Variants in JMJD1C observed in about 807,000 individuals in gnomAD.
JMJD1C encodes jumonji domain-containing protein 1C.
Under a neutral mutation model 245.3 loss-of-function variants are expected in JMJD1C, and 31 were observed. The ratio of observed to expected loss-of-function variants is 0.13; its 90% CI spans 0.09 to 0.17. The LOEUF (loss-of-function observed/expected upper bound fraction) is 0.17. Among genes scored for constraint, JMJD1C ranks in the 10% least tolerant of loss-of-function variants. The pLI is 1.00. For missense variants in JMJD1C, 2,691 were observed against 3,000.2 expected (o/e 0.90, Z 2.41); for synonymous variants, 1,057 against 1,017.4 (o/e 1.04, Z -0.74).
chr10:63,379,076 G>T (rs1947005961), intron 2 of JMJD1C, among the ~76,000 whole-genome samples: 1 of 151,702 alleles, frequency 6.6e-6, no homozygotes, highest in Non-Finnish European at 1.5e-5. Flanking sequence ...TCTTAAAAAA[G>T]AATAATCAAA....
intron 1 of JMJD1C, among the ~76,000 whole-genome samples, chr10:63,451,455 A>G (rs527626101): frequency 6.6e-6 from 1 of 152,222 alleles, no homozygotes; most frequent in Admixed American, 6.5e-5. Flanking sequence ...TACTGCATTC[A>G]TGAGTTCAAC....
At chr10:63,328,947 A>G (rs1386059062) in intron 2 of JMJD1C, among the ~76,000 whole-genome samples, 2 of 152,218 alleles carry the variant, frequency 1.3e-5, no homozygotes, top group Non-Finnish European at 2.9e-5. Flanking sequence ...GAACTTGTGA[A>G]AACACTGTAT....
At chr10:63,446,159 A>C (rs1490745198) in intron 1 of JMJD1C, among the ~76,000 whole-genome samples, 2 of 151,980 alleles carry the variant, frequency 1.3e-5, no homozygotes, top group Non-Finnish European at 2.9e-5. Flanking sequence ...ACAGGCGTTG[A>C]GCCACCACGC....
chr10:63,495,655 C>T (rs1341234078), intron 1 of JMJD1C, among the ~76,000 whole-genome samples: 2 of 151,618 alleles, frequency 1.3e-5, no homozygotes, highest in Admixed American at 6.6e-5. Flanking sequence ...CACCTGTAAT[C>T]CCAGCTACGT....
At chr10:63,217,124 T>C (rs913819981) in intron 5 of JMJD1C, 83 bp downstream of exon 5, 7 of 1,208,304 alleles carry the variant, frequency 5.8e-6, no homozygotes, top group Non-Finnish European at 8.2e-6. Context: ...AATTATTTAG[T>C]ATCAAATTGT....
intron 1 of JMJD1C, among the ~76,000 whole-genome samples, chr10:63,437,330 AGCT>A (rs1456602063): frequency 1.3e-5 from 2 of 152,190 alleles, no homozygotes; most frequent in Non-Finnish European, 2.9e-5. Context: ...AAATCCTATC[AGCT>A]GCTATTTCAC....
intron 1 of JMJD1C, among the ~76,000 whole-genome samples, chr10:63,476,230 T>C (rs111680162): frequency 1.4e-5 from 2 of 147,622 alleles, no homozygotes; most frequent in African/African-American, 4.9e-5. Flanking sequence ...AATATATACA[T>C]ATATTTATTT....
At chr10:63,482,350 A>C (rs1185488926) in intron 1 of JMJD1C, among the ~76,000 whole-genome samples, 1 of 152,160 alleles carries the variant, frequency 6.6e-6, no homozygotes, top group Non-Finnish European at 1.5e-5. Flanking sequence ...TAAGACAGCA[A>C]ATGAGCCAGG....
chr10:63,424,497 C>CTTTTTTTTT (rs59823871), intron 1 of JMJD1C, among the ~76,000 whole-genome samples: 84 of 103,388 alleles, frequency 8.1e-4, no homozygotes, highest in East Asian at 1.3e-3. Flanking sequence ...ATTATTATTT[C>CTTTTTTTTT]TTTTTTTTTT....
chr10:63,475,794 A>G (rs897636273), intron 1 of JMJD1C, among the ~76,000 whole-genome samples: 2 of 152,260 alleles, frequency 1.3e-5, no homozygotes, highest in Non-Finnish European at 2.9e-5. Flanking sequence ...GAACAGAGAG[A>G]GACCCTCTCT....
chr10:63,446,330 C>T (rs564762653), intron 1 of JMJD1C, among the ~76,000 whole-genome samples: 1 of 152,128 alleles, frequency 6.6e-6, no homozygotes, highest in Non-Finnish European at 1.5e-5. Flanking sequence ...CAAGGCAGAA[C>T]AGGTTAGTAT....
At chr10:63,217,532 C>T (rs1418807420) in intron 4 of JMJD1C, among the ~76,000 whole-genome samples, 1 of 152,082 alleles carries the variant, frequency 6.6e-6, no homozygotes, top group Non-Finnish European at 1.5e-5. Context: ...CCACATACTT[C>T]CTGATTCAAT....
At chr10:63,384,388 T>C (rs1478007068) in intron 1 of JMJD1C, among the ~76,000 whole-genome samples, 1 of 152,212 alleles carries the variant, frequency 6.6e-6, no homozygotes, top group African/African-American at 2.4e-5. Context: ...GCTATAGCTT[T>C]ACAAAATGTA....
In JMJD1C at chr10:63,465,932, G is replaced by A. The variant is rs1046989762; in HGVS notation, c.-270C>T. The stretch of plus-strand genomic sequence containing the variant: ...AACAAAACCCAACGCGGCCGTCGAA[G>A]ACCCCGAGGCAGCCCAGCCGCCGCC... On this transcript the variant is annotated 5_prime_UTR_variant, in exon 1 of 26. Coordinates refer to ENST00000399262, the MANE Select transcript of JMJD1C (RefSeq NM_032776.3). 1.2e-5 allele frequency: 7 copies of A among 582,960 alleles called. No individual in the cohort carries two copies. Among genetic ancestry groups the A allele is most frequent in the African/African-American group, 3.7e-5 (2 of 54,232 alleles). The allele number at this position is 582,960 out of a possible 1,614,324, so 36.1% of individuals were successfully genotyped here. A position where few individuals can be genotyped will look rare whatever the true frequency, so the allele number is the denominator to read the frequency against.
chr10:63,518,971 T>C (rs537407262), intron 1 of JMJD1C, among the ~76,000 whole-genome samples: 4 of 152,332 alleles, frequency 2.6e-5, no homozygotes, highest in African/African-American at 9.6e-5. Context: ...CACCCGCCAG[T>C]TGAGTTAACT....
At chr10:63,251,027 G>A (rs180916494) in intron 3 of JMJD1C, among the ~76,000 whole-genome samples, 9 of 152,232 alleles carry the variant, frequency 5.9e-5, no homozygotes, top group African/African-American at 1.9e-4. Context: ...ACAAGCATAA[G>A]CCACCATAAC....
chr10:63,403,708 G>A (rs1228697385), intron 1 of JMJD1C, among the ~76,000 whole-genome samples: 2 of 152,224 alleles, frequency 1.3e-5, no homozygotes, highest in Non-Finnish European at 2.9e-5. Context: ...GGAGGCCAAG[G>A]CAGGCGGATC....
chr10:63,351,616 C>T (rs1181102662), intron 2 of JMJD1C, among the ~76,000 whole-genome samples: 2 of 152,072 alleles, frequency 1.3e-5, no homozygotes, highest in African/African-American at 2.4e-5. Flanking sequence ...GTTTATAGAG[C>T]CTTGTGGGGA....
intron 1 of JMJD1C, among the ~76,000 whole-genome samples, chr10:63,499,044 T>G (rs1954453905): frequency 6.6e-6 from 1 of 152,260 alleles, no homozygotes; most frequent in Admixed American, 6.5e-5. Flanking sequence ...TTGTCATACA[T>G]GACAGTATTT....
Sources: allele counts gnomAD v4.1 joint callset (sites outside exome capture counted in the v4.1 genomes callset), GRCh38; gene constraint gnomAD v4.1.1; transcripts MANE v1.5; gene names NCBI Gene and HGNC (gene_info 2026-07-23, HGNC 2026-07-21).